The following TMEM135 variants were observed in gnomAD, a reference collection of about 807,000 sequenced individuals.
TMEM135 encodes the protein peroxisomal membrane protein 52.
Under a neutral mutation model 60.3 loss-of-function variants are expected in TMEM135, and 30 were observed. The observed-to-expected ratio is 0.50, with a 90% CI of 0.37 to 0.68. The LOEUF (loss-of-function observed/expected upper bound fraction) is 0.68. Ranked by LOEUF, TMEM135 falls within the 30% of genes least tolerant of loss-of-function variation. The pLI, the probability that TMEM135 is intolerant of heterozygous loss-of-function variation, is 0.00. For synonymous variants in TMEM135, 190 were observed against 186.7 expected (o/e 1.02, Z -0.14); for missense variants, 468 against 548.8 (o/e 0.85, Z 1.47).
At chr11:87,048,079 T>C (rs1252269551) in intron 1 of TMEM135, among the ~76,000 whole-genome samples, 1 of 57,528 alleles carries the variant, frequency 1.7e-5, no homozygotes, top group Non-Finnish European at 2.8e-5. Context: ...CGGCAGGGTA[T>C]TCCAACAGAC....
chr11:87,137,608 G>A (rs1203911009), intron 4 of TMEM135, among the ~76,000 whole-genome samples: 1 of 152,026 alleles, frequency 6.6e-6, no homozygotes, highest in African/African-American at 2.4e-5. Flanking sequence ...GTTCAGCTCT[G>A]ATAGGAAGAG....
rs189917393 is a variant in TMEM135 at position 87,183,558 on chromosome 11, C to T, written c.462+26152C>T. ...AACACTATTTTCAAAAAGGACATTGCGGTTAAATTGTCTGATAAAAGTAAG... is the reference window on the plus strand; with the variant it reads ...AACACTATTTTCAAAAAGGACATTGTGGTTAAATTGTCTGATAAAAGTAAG... On this transcript the variant is annotated intron_variant, in intron 5 of 14. Transcript: ENST00000305494. Among the ~76,000 whole-genome samples the T allele has an allele frequency of 1.7e-3, 251 of 152,098 alleles. 3 individuals carry two copies. The highest frequency in any genetic ancestry group is 5.7e-3 in the African/African-American group (236 of 41,494).
chr11:87,111,806 G>A (rs1160491838), intron 4 of TMEM135, among the ~76,000 whole-genome samples: 1 of 151,988 alleles, frequency 6.6e-6, no homozygotes, highest in Non-Finnish European at 1.5e-5. Flanking sequence ...CCTGTCAAAA[G>A]CACCCTGTTA....
At chr11:87,043,248 C>T (rs1949766448) in intron 1 of TMEM135, among the ~76,000 whole-genome samples, 1 of 151,880 alleles carries the variant, frequency 6.6e-6, no homozygotes, top group Admixed American at 6.6e-5. Flanking sequence ...AGCCACTGGG[C>T]CCAGCCTATT....
intron 4 of TMEM135, among the ~76,000 whole-genome samples, chr11:87,137,844 A>G (rs1938146450): frequency 6.6e-6 from 1 of 152,174 alleles, no homozygotes; most frequent in South Asian, 2.1e-4. Context: ...GACAGAACAT[A>G]TATTTACAAA....
intron 4 of TMEM135, among the ~76,000 whole-genome samples, chr11:87,101,414 T>C (rs1461718787): frequency 6.6e-6 from 1 of 152,230 alleles, no homozygotes; most frequent in Non-Finnish European, 1.5e-5. Context: ...ATGTTTAAAA[T>C]GTGATGTCAA....
intron 5 of TMEM135, among the ~76,000 whole-genome samples, chr11:87,163,950 A>T (rs1238905043): frequency 4.7e-5 from 7 of 148,722 alleles, no homozygotes; most frequent in African/African-American, 1.7e-4. Flanking sequence ...CCTTTGTCAG[A>T]TGAGTAGGTT....
At chr11:87,143,543 C>T (rs186597948) in intron 4 of TMEM135, among the ~76,000 whole-genome samples, 21 of 152,214 alleles carry the variant, frequency 1.4e-4, no homozygotes, top group Admixed American at 2.0e-4. Context: ...CTTTCTTTCA[C>T]CTGAGCTGTG....
chr11:87,276,675 T>TTTTC (rs1941972835), intron 6 of TMEM135, among the ~76,000 whole-genome samples: 1 of 146,364 alleles, frequency 6.8e-6, no homozygotes, highest in Non-Finnish European at 1.5e-5. Context: ...ATTTTTTTTT[T>TTTTC]TTTTTTTTTT....
intron 1 of TMEM135, among the ~76,000 whole-genome samples, chr11:87,061,785 A>C (rs1450696379): frequency 6.6e-6 from 1 of 152,180 alleles, no homozygotes; most frequent in South Asian, 2.1e-4. Flanking sequence ...TAACAAGAGA[A>C]TGTATATAGT....
In TMEM135 at chr11:87,120,754, C is replaced by G. The variant is rs140717642; in HGVS notation, c.396+29359C>G. On this transcript the variant is annotated intron_variant, in intron 4 of 14. Coordinates refer to ENST00000305494, the MANE Select transcript of TMEM135 (RefSeq NM_022918.4). Reference sequence around the variant, plus strand: ...GTGCTGGGATTACAAACGGGAATTTCATTAATTTCTAAATTTTGTTTGAAC... The same window carrying G: ...GTGCTGGGATTACAAACGGGAATTTGATTAATTTCTAAATTTTGTTTGAAC... Among the ~76,000 whole-genome samples the G allele has an allele frequency of 5.1e-4, 77 of 152,170 alleles. No homozygotes were observed. In the East Asian group the frequency reaches 0.012, roughly 23 times the overall value.
chr11:87,130,116 ATT>A (rs34801765), intron 4 of TMEM135, among the ~76,000 whole-genome samples: 4,974 of 146,262 alleles, frequency 0.034, 120 homozygotes, highest in East Asian at 0.058. Context: ...GTATAAGTAC[ATT>A]TTTAAAAAAA....
chr11:87,242,796 G>T (rs1941169602), intron 6 of TMEM135, among the ~76,000 whole-genome samples: 1 of 143,314 alleles, frequency 7.0e-6, no homozygotes. Context: ...CTCCCATTTT[G>T]TAGGATGCCT....
chr11:87,219,631 C>G (rs1374349323), intron 5 of TMEM135, among the ~76,000 whole-genome samples: 1 of 152,106 alleles, frequency 6.6e-6, no homozygotes, highest in Non-Finnish European at 1.5e-5. Context: ...CTCATTTAAC[C>G]TGAGTTACTT....
intron 5 of TMEM135, among the ~76,000 whole-genome samples, chr11:87,190,511 T>G (rs1939774098): frequency 6.6e-6 from 1 of 152,164 alleles, no homozygotes; most frequent in Non-Finnish European, 1.5e-5. Context: ...AAGATATTTT[T>G]AAAAAGGTAA....
At position 87,318,128 on chromosome 11, in the gene TMEM135, GT is replaced by G. The variant is rs774907710; in HGVS notation, c.1078-5del. Reference sequence around the variant, plus strand: ...TCTTTATAACTCTTGTCTTATGCTTGTTTTGCAGACAATGTATTTCAAAGGC... The same window carrying G: ...TCTTTATAACTCTTGTCTTATGCTTGTTTGCAGACAATGTATTTCAAAGGC... On this transcript the variant is annotated splice_polypyrimidine_tract_variant and splice_region_variant and intron_variant, in intron 12 of 14. Coordinates refer to ENST00000305494, the MANE Select transcript of TMEM135 (RefSeq NM_022918.4). The G allele has an allele frequency of 1.2e-6, 2 of 1,607,216 alleles. No individual in the cohort carries two copies. Among genetic ancestry groups the G allele is most frequent in the South Asian group, 2.2e-5 (2 of 90,964 alleles).
chr11:87,303,546 T>A (rs1341949320), intron 8 of TMEM135, among the ~76,000 whole-genome samples: 1 of 152,238 alleles, frequency 6.6e-6, no homozygotes, highest in Non-Finnish European at 1.5e-5. Context: ...CAAGTTCTTA[T>A]CTGTTAACTG....
intron 5 of TMEM135, among the ~76,000 whole-genome samples, chr11:87,185,869 A>T (rs148908132): frequency 6.7e-6 from 1 of 150,188 alleles, no homozygotes; most frequent in African/African-American, 2.5e-5. Flanking sequence ...GAAATCATAG[A>T]TTTAAACATA....
chr11:87,193,225 C>T (rs1282473258), intron 5 of TMEM135, among the ~76,000 whole-genome samples: 1 of 152,046 alleles, frequency 6.6e-6, no homozygotes, highest in Non-Finnish European at 1.5e-5. Context: ...GGTACCTGCT[C>T]TTGAGGAGCT....
Sources: gnomAD v4.1 joint callset for allele counts (sites outside exome capture counted in the v4.1 genomes callset) on GRCh38, gnomAD v4.1.1 for gene constraint, MANE v1.5 for transcripts, NCBI Gene and HGNC (gene_info 2026-07-23, HGNC 2026-07-21) for gene names.